VAV1: variants seen among roughly 807,000 people sequenced by gnomAD.
VAV1 encodes the protein proto-oncogene vav.
Under a neutral mutation model 128.1 loss-of-function variants are expected in VAV1, and 33 were observed. The observed-to-expected ratio is 0.26, with a 90% CI of 0.20 to 0.34. The LOEUF (loss-of-function observed/expected upper bound fraction) is 0.34, where lower values mean the gene tolerates loss of function less well. VAV1 is among the 10% of genes least tolerant of loss of function. VAV1 has a pLI of 1.00. For synonymous variants in VAV1, 394 were observed against 409.8 expected (o/e 0.96, Z 0.47); for missense variants, 715 against 1,093.7 (o/e 0.65, Z 4.88).
chr19:6,820,720 A>T lies in VAV1; in HGVS notation c.223A>T (p.Ile75Phe). ...QMSQFLCLKN[I>F]RTFLSTCCEK... The stretch of plus-strand genomic sequence containing the variant: ...CTCACAGTTCCTGTGCCTTAAGAAC[A>T]TTAGAACCTTCCTGTCCACCTGCTG... Residue 75 changes from isoleucine (I) to phenylalanine (F), a missense_variant, in exon 2 of 27, where the codon ATT becomes TTT. Transcript: ENST00000602142. This position sits in a 1 kb window ranked among gnomAD's most constrained non-coding sequence, Gnocchi z 4.4. The T allele has an allele frequency of 6.2e-7, 1 of 1,614,130 alleles. No homozygotes were observed. The highest frequency in any genetic ancestry group is 8.5e-7 in the Non-Finnish European group (1 of 1,180,020).
At position 6,827,048 on chromosome 19, in the gene VAV1, T is replaced by C. The variant is rs185356866; in HGVS notation, c.927+337T>C. On this transcript the variant is annotated intron_variant, in intron 9 of 26. Transcript: ENST00000602142. ...GCTCCCACTTCTCACTGAACCCCAATTCCAACCAACCCCTGATCCCAGGCT... is the reference window on the plus strand; with the variant it reads ...GCTCCCACTTCTCACTGAACCCCAACTCCAACCAACCCCTGATCCCAGGCT... 4.6e-3 allele frequency: 1,343 copies of C among 293,648 alleles called. 5 individuals carry two copies. Among genetic ancestry groups the C allele is most frequent in the Middle Eastern group, 6.7e-3 (6 of 890 alleles). 18.2% of individuals were successfully genotyped at this position (293,648 alleles called of 1,614,324 possible). A position where few individuals can be genotyped will look rare whatever the true frequency, so the allele number is the denominator to read the frequency against.
At chr19:6,773,731 C>T (rs1161842822) in intron 1 of VAV1, among the ~76,000 whole-genome samples, 3 of 152,142 alleles carry the variant, frequency 2.0e-5, no homozygotes. Flanking sequence ...GTGGATTTGA[C>T]TGTGGCTGTA....
intron 1 of VAV1, among the ~76,000 whole-genome samples, chr19:6,816,263 G>A (rs1360925434): frequency 1.3e-5 from 2 of 151,960 alleles, no homozygotes; most frequent in East Asian, 1.9e-4. Flanking sequence ...TTCATGATCT[G>A]CCCTCCTCGG....
intron 1 of VAV1, among the ~76,000 whole-genome samples, chr19:6,780,112 AAATAAT>A (rs55937714): frequency 0.075 from 9,519 of 127,396 alleles, 567 homozygotes; most frequent in African/African-American, 0.12. Flanking sequence ...CTCTGTCTTA[AAATAAT>A]AATAATAATA....
chr19:6,785,705 G>T (rs1397476191), intron 1 of VAV1, among the ~76,000 whole-genome samples: 3 of 148,202 alleles, frequency 2.0e-5, no homozygotes, highest in African/African-American at 7.5e-5. Flanking sequence ...TATCGCCCAG[G>T]CTGGAGTGCA....
chr19:6,842,209 A>G (rs1972395631), intron 21 of VAV1, among the ~76,000 whole-genome samples: 1 of 152,108 alleles, frequency 6.6e-6, no homozygotes, highest in African/African-American at 2.4e-5. Flanking sequence ...CAGCCTGGGC[A>G]ATAAGAGCAA....
rs554524904 is a variant in VAV1 at position 6,788,042 on chromosome 19, A to C, written c.204+15031A>C. ...CAGTGAGCCGAGATCCCGCCACTGC[A>C]CTCCAGCCTGGGTGACAGAGCAAGA... On this transcript the variant is annotated intron_variant, in intron 1 of 26. Coordinates refer to ENST00000602142, the MANE Select transcript of VAV1 (RefSeq NM_005428.4). Among the ~76,000 whole-genome samples the C allele has an allele frequency of 5.9e-5, 9 of 152,056 alleles. No individual in the cohort carries two copies. The East Asian group carries it at 1.6e-3, about 26-fold the overall frequency.
In VAV1 at chr19:6,829,649, T is replaced by G. The variant is rs535188394; in HGVS notation, c.1266-137T>G. On this transcript the variant is annotated intron_variant, in intron 13 of 26. Coordinates refer to ENST00000602142, the MANE Select transcript of VAV1 (RefSeq NM_005428.4). ...GCGGATCACGTGGGTGAAGTCAGGA[T>G]GGACAGGTGGGCATGGCCAAGTTGG... 3.1e-6 allele frequency: 4 copies of G among 1,288,562 alleles called. No individual in the cohort carries two copies. In the Admixed American group the frequency reaches 7.6e-5, roughly 24 times the overall value. The allele number at this position is 1,288,562 out of a possible 1,614,324, so 79.8% of individuals were successfully genotyped here. A position where few individuals can be genotyped will look rare whatever the true frequency, so the allele number is the denominator to read the frequency against.
At chr19:6,798,458 C>A (rs561497798) in intron 1 of VAV1, among the ~76,000 whole-genome samples, 1 of 151,862 alleles carries the variant, frequency 6.6e-6, no homozygotes, top group South Asian at 2.1e-4. Flanking sequence ...TGAGACCAGC[C>A]TCATCTCTAA....
intron 21 of VAV1, among the ~76,000 whole-genome samples, chr19:6,841,471 T>G (rs1342614870): frequency 1.0e-5 from 1 of 96,678 alleles, no homozygotes; most frequent in African/African-American, 3.0e-5. Flanking sequence ...CATACTATTT[T>G]TCTTTTCTTT....
Position 6,832,132 on chromosome 19 carries a change from G to A in VAV1, c.1440G>A (p.Gln480=). The change falls in exon 15 of 27, where the codon CAG becomes CAA. Residue 480 remains glutamine, a synonymous_variant. Transcript: ENST00000602142. The part of the protein sequence containing the change: ...MFLLIEDQGA[Q]GYELFFKTRE... ...TCCTGATCGAGGACCAAGGTGCCCAGGGCTATGAGCTGTTCTTCAAGACAA... is the reference window on the plus strand; with the variant it reads ...TCCTGATCGAGGACCAAGGTGCCCAAGGCTATGAGCTGTTCTTCAAGACAA... 6.2e-7 allele frequency: 1 copy of A among 1,614,162 alleles called. No homozygotes were observed. The highest frequency in any genetic ancestry group is 1.1e-5 in the South Asian group (1 of 91,082).
intron 1 of VAV1, among the ~76,000 whole-genome samples, chr19:6,787,972 G>T (rs1448275418): frequency 6.6e-6 from 1 of 152,050 alleles, no homozygotes; most frequent in Non-Finnish European, 1.5e-5. Context: ...AGCTACTTGG[G>T]AGGCTGAGGC....
intron 23 of VAV1, among the ~76,000 whole-genome samples, chr19:6,850,225 G>GTTTTTTTTTTTTTTTTTTTTTT (rs760967154): frequency 4.3e-4 from 21 of 49,044 alleles, no homozygotes; most frequent in Non-Finnish European, 5.3e-4. Context: ...TTGTTTCTTT[G>GTTTTTTTTTTTTTTTTTTTTTT]TTTTTTTTTT....
chr19:6,840,865 A>G (rs1392968142), intron 21 of VAV1, among the ~76,000 whole-genome samples: 1 of 151,358 alleles, frequency 6.6e-6, no homozygotes, highest in East Asian at 2.0e-4. Context: ...CTGCAACCTC[A>G]GCCTCCCGGG....
chr19:6,783,747 C>T (rs146130884), intron 1 of VAV1, among the ~76,000 whole-genome samples: 2,162 of 152,126 alleles, frequency 0.014, 25 homozygotes, highest in Non-Finnish European at 0.02. Flanking sequence ...GGATTACAGG[C>T]GTGAGCCACC....
At chr19:6,817,862 G>A (rs958413729) in intron 1 of VAV1, among the ~76,000 whole-genome samples, 7 of 151,894 alleles carry the variant, frequency 4.6e-5, no homozygotes, top group Admixed American at 1.3e-4. Context: ...AATTTTTTGT[G>A]TTTTTAGTAG....
At chr19:6,838,617 C>A (rs950584408) in intron 21 of VAV1, among the ~76,000 whole-genome samples, 1 of 152,136 alleles carries the variant, frequency 6.6e-6, no homozygotes, top group African/African-American at 2.4e-5. Context: ...ATTATCATTT[C>A]TCTCTCATCT....
intron 21 of VAV1, among the ~76,000 whole-genome samples, chr19:6,841,676 A>G (rs1330546765): frequency 2.0e-5 from 3 of 151,210 alleles, no homozygotes; most frequent in African/African-American, 7.3e-5. Flanking sequence ...GGGTTTTGCC[A>G]TGTTGGTCAG....
In VAV1 at chr19:6,825,204, T is replaced by G. The variant is rs888237957; in HGVS notation, c.723+83T>G. 4.4e-6 allele frequency: 7 copies of G among 1,576,606 alleles called. No homozygotes were observed. The Admixed American group carries it at 1.0e-4, about 23-fold the overall frequency. On this transcript the variant is annotated intron_variant, in intron 7 of 26. Transcript: ENST00000602142. ...CCTACCTCTCCCTGGAGTACGGGGG[T>G]TGGGAGTTGAGCGGCATGGGGCGGG...
Sources: gnomAD v4.1 joint callset for allele counts (sites outside exome capture counted in the v4.1 genomes callset) on GRCh38, gnomAD v4.1.1 for gene constraint, Gnocchi (gnomAD v3.1) non-coding constraint, MANE v1.5 for transcripts, NCBI Gene and HGNC (gene_info 2026-07-23, HGNC 2026-07-21) for gene names.